The following RAPGEF1 variants were observed in gnomAD, a reference collection of about 807,000 sequenced individuals.
RAPGEF1 encodes CRK SH3-binding GNRP.
In RAPGEF1, 33 loss-of-function variants were observed where a neutral mutation model predicts 143.3. The ratio of observed to expected loss-of-function variants is 0.23; its 90% confidence interval spans 0.17 to 0.31. RAPGEF1 has a LOEUF of 0.31. Among genes scored for constraint, RAPGEF1 ranks in the 10% least tolerant of loss-of-function variants. The pLI, the probability that RAPGEF1 is intolerant of heterozygous loss-of-function variation, is 1.00. For missense variants in RAPGEF1, 1,199 were observed against 1,645.4 expected, an observed-to-expected ratio of 0.73 and a Z score of 4.69; for synonymous variants, 629 against 676.5, an observed-to-expected ratio of 0.93 and a Z score of 1.09.
At chr9:131,670,059 A>G (rs566712809) in intron 1 of RAPGEF1, among the ~76,000 whole-genome samples, 83 of 152,270 alleles carry the variant, frequency 5.5e-4, no homozygotes, top group Admixed American at 3.4e-3. Context: ...GTGACCCTCC[A>G]ATACAGGTAC....
chr9:131,587,614 T>G, intron 22 of RAPGEF1, 122 bp downstream of exon 22: 1 of 898,940 alleles, frequency 1.1e-6, no homozygotes, highest in Admixed American at 2.2e-5. Context: ...CCCAGGAGCT[T>G]AGCGGAATGA....
At chr9:131,612,858 A>G (rs1958248167) in intron 12 of RAPGEF1, among the ~76,000 whole-genome samples, 1 of 152,254 alleles carries the variant, frequency 6.6e-6, no homozygotes, top group Non-Finnish European at 1.5e-5. Flanking sequence ...CAGACACAGC[A>G]GCCAGAGCCT....
chr9:131,721,405 G>C (rs1456594303), intron 1 of RAPGEF1, among the ~76,000 whole-genome samples: 3 of 152,130 alleles, frequency 2.0e-5, no homozygotes, highest in African/African-American at 7.2e-5. Flanking sequence ...CTAACTAAGA[G>C]GCTAGAAGAG....
chr9:131,721,584 G>A (rs945829308), intron 1 of RAPGEF1, among the ~76,000 whole-genome samples: 5 of 152,120 alleles, frequency 3.3e-5, no homozygotes, highest in African/African-American at 7.2e-5. Context: ...TGGAATAGTC[G>A]CCGAAGAATT....
At chr9:131,627,767 A>T in intron 9 of RAPGEF1, 146 bp downstream of exon 9, 2 of 751,404 alleles carry the variant, frequency 2.7e-6, no homozygotes, top group Non-Finnish European at 4.2e-6. Flanking sequence ...TATTTTGCAG[A>T]TGAGGAAGCT....
intron 12 of RAPGEF1, among the ~76,000 whole-genome samples, chr9:131,614,623 T>C (rs1433819807): frequency 6.6e-6 from 1 of 152,230 alleles, no homozygotes; most frequent in African/African-American, 2.4e-5. Flanking sequence ...GGGCCTGGCA[T>C]TTCCCAGCGA....
chr9:131,617,252 AAGATTTG>A (rs1959148148), intron 12 of RAPGEF1, among the ~76,000 whole-genome samples: 1 of 152,238 alleles, frequency 6.6e-6, no homozygotes, highest in Non-Finnish European at 1.5e-5. Flanking sequence ...CAAGTTTCGC[AAGATTTG>A]TGAAAGGAGC....
rs1163935833 is a variant in RAPGEF1 at position 131,667,678 on chromosome 9, A to C, written c.62-16729T>G. ...GTCCTATGGCTATGACATGGGGCAAACAGAAGTGGCACTCATCTCTACACG... is the reference window on the plus strand; with the variant it reads ...GTCCTATGGCTATGACATGGGGCAACCAGAAGTGGCACTCATCTCTACACG... On this transcript the variant is annotated intron_variant, in intron 1 of 26. Transcript: ENST00000683357. This position sits in a 1 kb window ranked among gnomAD's most constrained non-coding sequence, Gnocchi z 4.6. Among the ~76,000 whole-genome samples, 1 of 152,152 alleles carries C rather than the reference A, an allele frequency of 6.6e-6. No homozygotes were observed. The highest frequency in any genetic ancestry group is 1.5e-5 in the Non-Finnish European group (1 of 68,014).
At chr9:131,723,798 AT>A (rs1836441033) in intron 1 of RAPGEF1, among the ~76,000 whole-genome samples, 1 of 152,138 alleles carries the variant, frequency 6.6e-6, no homozygotes, top group Non-Finnish European at 1.5e-5. Flanking sequence ...ACCCATAGGT[AT>A]ATACTTTGCT....
intron 17 of RAPGEF1, among the ~76,000 whole-genome samples, chr9:131,594,107 C>T (rs1212027641): frequency 6.6e-6 from 1 of 152,174 alleles, no homozygotes; most frequent in South Asian, 2.1e-4. Flanking sequence ...GCGCCCATGT[C>T]TGCCCAATTC....
At chr9:131,652,742 G>A (rs547688785) in intron 1 of RAPGEF1, among the ~76,000 whole-genome samples, 1 of 152,172 alleles carries the variant, frequency 6.6e-6, no homozygotes, top group African/African-American at 2.4e-5. Flanking sequence ...ATCTGCCTGA[G>A]GCTGTTTTAC....
chr9:131,682,547 G>A (rs553116309), intron 1 of RAPGEF1, among the ~76,000 whole-genome samples: 4 of 152,274 alleles, frequency 2.6e-5, no homozygotes, highest in East Asian at 3.9e-4. Flanking sequence ...AAAGGGGTGC[G>A]AATACATACA....
At chr9:131,590,063 C>T (rs1030151524) in intron 18 of RAPGEF1, 85 bp from the exon 19 acceptor site, 5 of 1,207,828 alleles carry the variant, frequency 4.1e-6, no homozygotes, top group East Asian at 4.7e-5. Flanking sequence ...ACTCACTGAG[C>T]GCTCACAATG....
chr9:131,600,007 C>G (rs1588324507), intron 15 of RAPGEF1, among the ~76,000 whole-genome samples: 1 of 152,082 alleles, frequency 6.6e-6, no homozygotes, highest in East Asian at 1.9e-4. Flanking sequence ...AACCCAGCTA[C>G]TTGGAGGCTG....
chr9:131,736,451 A>G (rs559359874), intron 1 of RAPGEF1, among the ~76,000 whole-genome samples: 100 of 152,270 alleles, frequency 6.6e-4, no homozygotes, highest in African/African-American at 2.3e-3. Context: ...GGGACCCCCA[A>G]ATGTGAGGCC....
intron 1 of RAPGEF1, among the ~76,000 whole-genome samples, chr9:131,717,917 A>G (rs1382351256): frequency 6.6e-6 from 1 of 152,144 alleles, no homozygotes; most frequent in East Asian, 1.9e-4. Context: ...GCAGCTAGGG[A>G]TAGGGAGCAA....
chr9:131,654,436 C>T (rs935505251), intron 1 of RAPGEF1, among the ~76,000 whole-genome samples: 14 of 152,150 alleles, frequency 9.2e-5, no homozygotes, highest in Admixed American at 7.2e-4. Context: ...TATGGCTGGG[C>T]GCAGTGGTTC....
chr9:131,669,492 C>A (rs551066813), intron 1 of RAPGEF1, among the ~76,000 whole-genome samples: 1 of 152,312 alleles, frequency 6.6e-6, no homozygotes, highest in South Asian at 2.1e-4. Flanking sequence ...AACATTTACA[C>A]GCAAAGCACT....
At chr9:131,669,900 T>A (rs1831076507) in intron 1 of RAPGEF1, among the ~76,000 whole-genome samples, 1 of 152,166 alleles carries the variant, frequency 6.6e-6, no homozygotes, top group African/African-American at 2.4e-5. Context: ...GGGAGTTGTA[T>A]CAGGTGCTGA....
Sources: allele counts gnomAD v4.1 joint callset (sites outside exome capture counted in the v4.1 genomes callset), GRCh38; gene constraint gnomAD v4.1.1; non-coding constraint Gnocchi (gnomAD v3.1); transcripts MANE v1.5; gene names NCBI Gene and HGNC (gene_info 2026-07-23, HGNC 2026-07-21).